Variants in NCOR1 observed in about 807,000 individuals in gnomAD.
The protein encoded by NCOR1 is protein phosphatase 1, regulatory subunit 109.
In NCOR1, 63 loss-of-function variants were observed where a neutral mutation model predicts 288.1. That is an observed-to-expected ratio of 0.22 (90% CI 0.18 to 0.27). NCOR1 has a LOEUF of 0.27. NCOR1 is among the 10% of genes least tolerant of loss of function. The pLI, the probability that NCOR1 is intolerant of heterozygous loss-of-function variation, is 1.00. For missense variants in NCOR1, 2,397 were observed against 3,019.2 expected, an observed-to-expected ratio of 0.79 and a Z score of 4.83; for synonymous variants, 1,007 against 1,065.9, an observed-to-expected ratio of 0.94 and a Z score of 1.08.
intron 3 of NCOR1, among the ~76,000 whole-genome samples, chr17:16,183,878 A>T (rs1312911432): frequency 6.6e-6 from 1 of 152,210 alleles, no homozygotes; most frequent in East Asian, 1.9e-4. Flanking sequence ...GTATTGGCAT[A>T]AAAATAGACA....
intron 36 of NCOR1, 98 bp downstream of exon 36, chr17:16,062,007 G>A: frequency 1.3e-6 from 2 of 1,574,766 alleles, no homozygotes; most frequent in Admixed American, 2.1e-5. Flanking sequence ...TCATGGCATG[G>A]GCAGAAAAGC....
chr17:16,121,064 G>A lies in NCOR1; in HGVS notation c.1840C>T (p.Pro614Ser). ...TGTTTCCACTCACTGGGTTCTGGTG[G>A]CGGTGGCAGAGGTGGTGGGGGCTCT... is the stretch of plus-strand genomic sequence containing the variant. ...TEEPPPPLPPPPEPISTEPVE... is the reference protein window; with the variant it reads ...TEEPPPPLPPSPEPISTEPVE... The change falls in exon 16 of 46, where the codon CCA becomes TCA. Residue 614 changes from proline (P) to serine (S), a missense_variant. This residue lies in a region of NCOR1 where 113 missense variants were observed against 139.5 expected (regional missense o/e 0.81). Coordinates refer to ENST00000268712, the MANE Select transcript of NCOR1 (RefSeq NM_006311.4). 6.2e-7 allele frequency: 1 copy of A among 1,613,260 alleles called. No individual in the cohort carries two copies. The highest frequency in any genetic ancestry group is 8.5e-7 in the Non-Finnish European group (1 of 1,179,480).
intron 18 of NCOR1, among the ~76,000 whole-genome samples, chr17:16,116,874 A>G (rs1207732023): frequency 6.6e-6 from 1 of 152,264 alleles, no homozygotes; most frequent in African/African-American, 2.4e-5. Flanking sequence ...TGAAAAATAC[A>G]TTGAGTACTA....
chr17:16,127,436 T>C (rs1274084153), intron 14 of NCOR1, among the ~76,000 whole-genome samples: 1 of 146,838 alleles, frequency 6.8e-6, no homozygotes, highest in Non-Finnish European at 1.5e-5. Flanking sequence ...TATATGTGTA[T>C]GTATATATGT....
Position 16,124,474 on chromosome 17 carries a change from T to C in NCOR1, c.1634+1608A>G, listed in dbSNP as rs920395850. Among the ~76,000 whole-genome samples the C allele has an allele frequency of 7.9e-5, 12 of 152,214 alleles. 1 individual carries two copies. The highest frequency in any genetic ancestry group is 3.9e-4 in the Admixed American group (6 of 15,280). On this transcript the variant is annotated intron_variant, in intron 15 of 45. Transcript: ENST00000268712. ...ACATTCTACATCACAATTGTGATAA[T>C]AGTTACACAAGTGCATATGCTTGTC... is the stretch of plus-strand genomic sequence containing the variant.
chr17:16,162,833 A>G (rs2081139704), intron 5 of NCOR1, among the ~76,000 whole-genome samples: 1 of 152,186 alleles, frequency 6.6e-6, no homozygotes, highest in South Asian at 2.1e-4. Context: ...AGAAATGGTG[A>G]GCACATAAGA....
At chr17:16,081,977 C>CTTT (rs2063480259) in intron 23 of NCOR1, among the ~76,000 whole-genome samples, 1 of 152,208 alleles carries the variant, frequency 6.6e-6, no homozygotes, top group African/African-American at 2.4e-5. Context: ...AAGACTAAGG[C>CTTT]AAAGCTGTTA....
chr17:16,193,284 G>A (rs150023331), intron 2 of NCOR1, among the ~76,000 whole-genome samples: 2,844 of 152,148 alleles, frequency 0.019, 60 homozygotes, highest in East Asian at 0.05. Context: ...AGGCTGGAGT[G>A]CAACGGCGCA....
chr17:16,036,701 C>T (rs533179099), intron 44 of NCOR1, among the ~76,000 whole-genome samples: 2 of 152,324 alleles, frequency 1.3e-5, no homozygotes, highest in African/African-American at 2.4e-5. Flanking sequence ...TCATCTGTGG[C>T]TTCCTCGCCT....
chr17:16,116,927 C>A (rs2153111712), intron 18 of NCOR1, among the ~76,000 whole-genome samples: 2 of 152,304 alleles, frequency 1.3e-5, no homozygotes, highest in South Asian at 4.1e-4. Context: ...TAGGCATCAG[C>A]AATTTTATCT....
At position 16,185,541 on chromosome 17, in the gene NCOR1, G is replaced by A. The variant is rs144432196; in HGVS notation, c.242+1013C>T. On this transcript the variant is annotated intron_variant, in intron 3 of 45. Transcript: ENST00000268712. ...TCTACTAAAAACACAAAAGTTAGCT[G>A]GGTGTGGTGTGTATGCCTGTAATCC... Among the ~76,000 whole-genome samples, 97 of 151,932 alleles carry A rather than the reference G, an allele frequency of 6.4e-4. 1 individual carries two copies. Among genetic ancestry groups the A allele is most frequent in the African/African-American group, 2.2e-3 (93 of 41,416 alleles).
intron 2 of NCOR1, among the ~76,000 whole-genome samples, chr17:16,190,041 G>A (rs2087787411): frequency 6.6e-6 from 1 of 152,128 alleles, no homozygotes; most frequent in Admixed American, 6.5e-5. Context: ...ATCAGCCTGT[G>A]CAACACAGTG....
intron 19 of NCOR1, among the ~76,000 whole-genome samples, chr17:16,107,282 C>G (rs2068970553): frequency 6.6e-6 from 1 of 151,926 alleles, no homozygotes; most frequent in Admixed American, 6.6e-5. Flanking sequence ...GGAGCCCTAC[C>G]CCCCAATGTA....
intron 21 of NCOR1, among the ~76,000 whole-genome samples, chr17:16,092,664 TATATATATATATATATATATATATATATA>T (rs1567956763): frequency 0.01 from 138 of 13,326 alleles, 4 homozygotes; most frequent in African/African-American, 0.029. Context: ...TATATATATA[TATATATATATATATATATATATATATATA>T]TATTTTTTTT....
intron 1 of NCOR1, among the ~76,000 whole-genome samples, chr17:16,199,301 C>T (rs1032949307): frequency 1.3e-5 from 2 of 151,588 alleles, no homozygotes; most frequent in African/African-American, 4.9e-5. Flanking sequence ...TCAAAGCAAG[C>T]CCTTCCTGTC....
rs187937854 is a variant in NCOR1, at chr17:16,097,338, C to G, written c.2820+1029G>C. 2.6e-4 allele frequency among the ~76,000 whole-genome samples: 39 copies of G among 152,310 alleles called. 1 individual carries two copies. In the East Asian group the frequency reaches 7.3e-3, roughly 29 times the overall value. On this transcript the variant is annotated intron_variant, in intron 21 of 45. Transcript: ENST00000268712. ...CCTCTTGCCTCAGCCTCCCAAATAG[C>G]TGGGAATACAGGGCTGGGAGTACTG...
At chr17:16,135,831 A>G (rs977715959) in intron 14 of NCOR1, among the ~76,000 whole-genome samples, 13 of 152,342 alleles carry the variant, frequency 8.5e-5, no homozygotes, top group South Asian at 2.1e-4. Context: ...TCAATAACCT[A>G]TATCTGGTAA....
chr17:16,172,645 G>C (rs531194397), intron 3 of NCOR1, among the ~76,000 whole-genome samples: 50 of 151,998 alleles, frequency 3.3e-4, no homozygotes, highest in Middle Eastern at 3.4e-3. Context: ...CAAGTCTCTT[G>C]AGGAGAAATC....
intron 22 of NCOR1, among the ~76,000 whole-genome samples, chr17:16,089,822 T>A (rs892259663): frequency 1.3e-5 from 2 of 152,108 alleles, no homozygotes; most frequent in African/African-American, 4.8e-5. Flanking sequence ...AACTACAGGA[T>A]AGACTCAAGG....
Sources: allele counts gnomAD v4.1 joint callset (sites outside exome capture counted in the v4.1 genomes callset), GRCh38; gene constraint gnomAD v4.1.1; regional missense constraint gnomAD v4.1.1; transcripts MANE v1.5; gene names NCBI Gene and HGNC (gene_info 2026-07-23, HGNC 2026-07-21).